TRIO: variants seen among roughly 807,000 people sequenced by gnomAD.
TRIO encodes the protein triple functional domain protein.
Under a neutral mutation model 351.9 loss-of-function variants are expected in TRIO, and 58 were observed. That is an observed-to-expected ratio of 0.16 (90% CI 0.13 to 0.21). The LOEUF is 0.21. Among genes scored for constraint, TRIO ranks in the 10% least tolerant of loss-of-function variants. The pLI, the probability that TRIO is intolerant of heterozygous loss-of-function variation, is 1.00. For synonymous variants in TRIO, 1,758 were observed against 1,595.7 expected, an observed-to-expected ratio of 1.10 and a Z score of -2.42; for missense variants, 3,201 against 4,027.8, an observed-to-expected ratio of 0.79 and a Z score of 5.56.
At chr5:14,359,212 A>G in intron 12 of TRIO, 145 bp from the exon 13 acceptor site, 1 of 896,082 alleles carries the variant, frequency 1.1e-6, no homozygotes, top group Non-Finnish European at 1.7e-6. Context: ...ATTGTTTTGC[A>G]GGAGAGCAGC....
Position 14,507,901 on chromosome 5 carries a change from G to T in TRIO, c.8773G>T (p.Glu2925Ter), listed in dbSNP as rs746670367. 6.2e-7 allele frequency: 1 copy of T among 1,613,812 alleles called. No individual in the cohort carries two copies. The highest frequency in any genetic ancestry group is 8.5e-7 in the Non-Finnish European group (1 of 1,179,814). Reference sequence around the variant, plus strand: ...CCAGCCTGAGAATATCCTGGTGGATGAGAGTTTAGCCAAGCCAACCATCAA... The same window carrying T: ...CCAGCCTGAGAATATCCTGGTGGATTAGAGTTTAGCCAAGCCAACCATCAA... ...DLKPENILVD[E>*]SLAKPTIKLA... The change falls in exon 57 of 57, where the codon GAG becomes TAG. Residue 2925 changes from glutamate to a stop codon, truncating the protein, a stop_gained. Coordinates refer to ENST00000344204, the MANE Select transcript of TRIO (RefSeq NM_007118.4). LOFTEE classifies it high-confidence loss of function.
chr5:14,314,052 C>T (rs1739163562), intron 8 of TRIO, among the ~76,000 whole-genome samples: 1 of 152,078 alleles, frequency 6.6e-6, no homozygotes, highest in African/African-American at 2.4e-5. Flanking sequence ...AACAGTAATG[C>T]AAGGAGTAAA....
At chr5:14,201,957 G>A (rs1480788646) in intron 1 of TRIO, among the ~76,000 whole-genome samples, 1 of 132,110 alleles carries the variant, frequency 7.6e-6, no homozygotes, top group African/African-American at 2.8e-5. Flanking sequence ...ATCACACACC[G>A]GGGCCTGTTG....
intron 11 of TRIO, among the ~76,000 whole-genome samples, chr5:14,357,934 CG>C (rs1743780974): frequency 2.0e-5 from 3 of 152,066 alleles, no homozygotes; most frequent in African/African-American, 7.2e-5. Flanking sequence ...GCCCGCCGTT[CG>C]CCTGTTTATT....
At chr5:14,318,329 C>G (rs1392338743) in intron 9 of TRIO, among the ~76,000 whole-genome samples, 1 of 145,862 alleles carries the variant, frequency 6.9e-6, no homozygotes, top group African/African-American at 2.6e-5. Flanking sequence ...CTGGCACATG[C>G]TTGTAATCCC....
intron 1 of TRIO, among the ~76,000 whole-genome samples, chr5:14,158,540 A>G (rs978217254): frequency 6.6e-6 from 1 of 152,178 alleles, no homozygotes; most frequent in East Asian, 1.9e-4. Context: ...TTGGAATTAG[A>G]TAGTGATGAG....
chr5:14,335,731 A>C (rs1018903777), intron 10 of TRIO, among the ~76,000 whole-genome samples: 4 of 152,324 alleles, frequency 2.6e-5, no homozygotes, highest in African/African-American at 7.2e-5. Context: ...TTGGGAGGCC[A>C]AGACGAGAGG....
At chr5:14,337,529 G>A (rs910340815) in intron 11 of TRIO, among the ~76,000 whole-genome samples, 11 of 152,112 alleles carry the variant, frequency 7.2e-5, no homozygotes, top group African/African-American at 2.7e-4. Context: ...GGAAATGAGG[G>A]GCCCTTCTGG....
Position 14,497,829 on chromosome 5 carries a change from T to C in TRIO, c.8020-18T>C. ...GTAGCTCATTTCAGTTAATGCTTGTTTGCTGTTTCCATTTCAGCTTCTCAA... is the reference window on the plus strand; with the variant it reads ...GTAGCTCATTTCAGTTAATGCTTGTCTGCTGTTTCCATTTCAGCTTCTCAA... On this transcript the variant is annotated intron_variant, in intron 50 of 56. Coordinates refer to ENST00000344204, the MANE Select transcript of TRIO (RefSeq NM_007118.4). The surrounding 1 kb of genome is among the most constrained non-coding windows in gnomAD (Gnocchi z 4.4). 1.2e-6 allele frequency: 2 copies of C among 1,614,206 alleles called. No homozygotes were observed. The highest frequency in any genetic ancestry group is 2.2e-5 in the South Asian group (2 of 91,086).
intron 1 of TRIO, among the ~76,000 whole-genome samples, chr5:14,265,660 A>T (rs762976735): frequency 1.7e-4 from 26 of 152,194 alleles, no homozygotes; most frequent in Non-Finnish European, 2.8e-4. Context: ...GTGAGCGAGC[A>T]TTCTGGTCAT....
chr5:14,373,319 G>T (rs1394026306), intron 18 of TRIO, among the ~76,000 whole-genome samples: 1 of 152,150 alleles, frequency 6.6e-6, no homozygotes, highest in East Asian at 1.9e-4. Context: ...TGAAAAAAAG[G>T]TAGCCTCGCT....
rs182107490 is a variant in TRIO, at chr5:14,470,347, T to C, written c.5764-971T>C. 2.8e-3 allele frequency among the ~76,000 whole-genome samples: 433 copies of C among 152,244 alleles called. 1 individual carries two copies. Among genetic ancestry groups the C allele is most frequent in the Non-Finnish European group, 5.1e-3 (350 of 68,036 alleles). ...ATACCAAATGTTTTAAGTGAGGTAT[T>C]GTTTTTGCATTTTGTATTGTGCTGT... On this transcript the variant is annotated intron_variant, in intron 37 of 56. Transcript: ENST00000344204.
chr5:14,419,089 G>A (rs1412275333), intron 33 of TRIO, among the ~76,000 whole-genome samples: 1 of 152,140 alleles, frequency 6.6e-6, no homozygotes, highest in Non-Finnish European at 1.5e-5. Context: ...TCAGGCTGGA[G>A]GAACAGAAGG....
At chr5:14,323,199 C>T (rs186221397) in intron 9 of TRIO, among the ~76,000 whole-genome samples, 4 of 152,112 alleles carry the variant, frequency 2.6e-5, no homozygotes, top group Non-Finnish European at 5.9e-5. Context: ...GTGTTGAATT[C>T]TGTGTCTGTT....
chr5:14,231,347 T>A (rs1177377317), intron 1 of TRIO, among the ~76,000 whole-genome samples: 1 of 152,248 alleles, frequency 6.6e-6, no homozygotes, highest in African/African-American at 2.4e-5. Flanking sequence ...GAAGCAGTTT[T>A]GGCTTTTTCA....
At chr5:14,485,033 G>C (rs1579794104) in intron 46 of TRIO, 36 bp from the exon 47 acceptor site, 1 of 1,499,736 alleles carries the variant, frequency 6.7e-7, no homozygotes, top group Non-Finnish European at 8.9e-7. Context: ...CTTTCCACCT[G>C]TTAGCTATTA....
intron 8 of TRIO, among the ~76,000 whole-genome samples, chr5:14,311,465 G>C (rs897582689): frequency 2.0e-5 from 3 of 152,224 alleles, no homozygotes; most frequent in African/African-American, 7.2e-5. Context: ...GAAAGTATCT[G>C]TCGTTGGGAA....
intron 40 of TRIO, among the ~76,000 whole-genome samples, chr5:14,476,050 G>T (rs1247991832): frequency 6.6e-6 from 1 of 152,190 alleles, no homozygotes; most frequent in African/African-American, 2.4e-5. Context: ...AAAGGGAGCT[G>T]ATGTTTATAA....
chr5:14,357,233 C>T (rs901038824), intron 11 of TRIO, among the ~76,000 whole-genome samples: 5 of 152,316 alleles, frequency 3.3e-5, no homozygotes, highest in Middle Eastern at 3.4e-3. Flanking sequence ...CGGGAGGTCC[C>T]GACTTGCCCC....
Sources: gnomAD v4.1 joint callset for allele counts (sites outside exome capture counted in the v4.1 genomes callset) on GRCh38, gnomAD v4.1.1 for gene constraint, Gnocchi (gnomAD v3.1) non-coding constraint, MANE v1.5 for transcripts, NCBI Gene and HGNC (gene_info 2026-07-23, HGNC 2026-07-21) for gene names.